The following ERAP1 variants were observed in gnomAD, a reference collection of about 807,000 sequenced individuals.
ERAP1 encodes adipocyte-derived leucine aminopeptidase.
ERAP1 carries 86 observed loss-of-function variants against 103.7 expected under a neutral mutation model. The observed-to-expected ratio is 0.83, with a 90% confidence interval of 0.70 to 0.99. ERAP1 has a LOEUF of 0.99. Among genes scored for constraint, ERAP1 ranks in the 50% least tolerant of loss-of-function variants. The probability of loss-of-function intolerance (pLI) is 0.00; values close to 1 mark genes in which losing one functional copy is unlikely to be tolerated. For missense variants in ERAP1, 1,009 were observed against 1,128.4 expected, an observed-to-expected ratio of 0.89 and a Z score of 1.52; for synonymous variants, 398 against 402.4, an observed-to-expected ratio of 0.99 and a Z score of 0.13.
At chr5:96,892,258 G>A in the ERAP1 span, 4 of 1,603,698 alleles carry the variant, frequency 2.5e-6, no homozygotes, top group East Asian at 8.9e-5. Flanking sequence ...TTTCTGGTGT[G>A]GGAGCCATAA....
At chr5:96,911,299 C>A in the ERAP1 span, among the ~76,000 whole-genome samples, 212 of 152,228 alleles carry the variant, frequency 1.4e-3, 3 homozygotes, top group Middle Eastern at 0.014. Context: ...ATTTCTGGCT[C>A]CCTCCTCAAT....
intron 18 of ERAP1, among the ~76,000 whole-genome samples, chr5:96,779,123 A>C (rs779416861): frequency 1.3e-5 from 2 of 152,196 alleles, no homozygotes; most frequent in Non-Finnish European, 1.5e-5. Flanking sequence ...TCATCTTCAG[A>C]GCATGTAACT....
the ERAP1 span, among the ~76,000 whole-genome samples, chr5:96,910,653 T>G: frequency 6.6e-6 from 1 of 152,224 alleles, no homozygotes; most frequent in South Asian, 2.1e-4. Context: ...TAGATATAAG[T>G]GTTCAACATG....
At chr5:96,809,449 T>C (rs550265757), upstream of ERAP1, among the ~76,000 whole-genome samples, 11 of 152,316 alleles carry the variant, frequency 7.2e-5, no homozygotes, top group South Asian at 2.3e-3. Flanking sequence ...ACTTCTTTAT[T>C]GGCCTTCTTC....
downstream of ERAP1, chr5:96,770,657 G>T: frequency 7.6e-6 from 9 of 1,187,684 alleles, no homozygotes; most frequent in Admixed American, 1.4e-4. Flanking sequence ...ACAGAGTAGG[G>T]TTTATCATTT....
At chr5:96,884,308 G>A in the ERAP1 span, among the ~76,000 whole-genome samples, 3 of 152,168 alleles carry the variant, frequency 2.0e-5, no homozygotes, top group African/African-American at 7.2e-5. Flanking sequence ...CTAAAACTCA[G>A]ATTCTGATTC....
At chr5:96,839,571 C>T in the ERAP1 span, among the ~76,000 whole-genome samples, 12 of 152,226 alleles carry the variant, frequency 7.9e-5, no homozygotes, top group African/African-American at 2.9e-4. Flanking sequence ...ATTCTTAAAA[C>T]CCTTTCATTG....
At chr5:96,912,117 G>C in the ERAP1 span, among the ~76,000 whole-genome samples, 1 of 149,950 alleles carries the variant, frequency 6.7e-6, no homozygotes, top group Non-Finnish European at 1.5e-5. Context: ...GTGAACCCCG[G>C]GGGGCGGAGC....
the ERAP1 span, among the ~76,000 whole-genome samples, chr5:96,897,974 A>C: frequency 3.3e-5 from 5 of 152,208 alleles, no homozygotes; most frequent in Admixed American, 2.0e-4. Flanking sequence ...AGGTGGGTAG[A>C]TCACTTCAGG....
chr5:96,807,460 G>T (rs1371721188), intron 1 of ERAP1, among the ~76,000 whole-genome samples: 1 of 152,188 alleles, frequency 6.6e-6, no homozygotes, highest in African/African-American at 2.4e-5. Flanking sequence ...TGGCCTGCAG[G>T]ACTGGCAGGC....
At chr5:96,839,175 A>G in the ERAP1 span, among the ~76,000 whole-genome samples, 1 of 152,268 alleles carries the variant, frequency 6.6e-6, no homozygotes, top group Admixed American at 6.5e-5. Flanking sequence ...TCTGGAGGAC[A>G]TGTCATCCTT....
At chr5:96,761,390 G>A (rs1354409543) in exon 20 of ERAP1, 2 of 151,878 alleles carry the variant, frequency 1.3e-5, no homozygotes, top group Admixed American at 6.6e-5. Flanking sequence ...ATTCTAAAAC[G>A]GCTTTACAGG....
the ERAP1 span, chr5:96,879,651 C>T: frequency 1.9e-5 from 30 of 1,577,416 alleles, no homozygotes; most frequent in Non-Finnish European, 2.5e-5. Flanking sequence ...CGAGATTAGC[C>T]TGGATATTAA....
intron 14 of ERAP1, 25 bp from the exon 15 acceptor site, chr5:96,783,260 G>A: frequency 6.3e-7 from 1 of 1,597,490 alleles, no homozygotes; most frequent in Non-Finnish European, 8.6e-7. Flanking sequence ...CAGGGAAACA[G>A]GGACCAGTAT....
chr5:96,786,990 T>A lies in ERAP1; in HGVS notation c.1680-441A>T, dbSNP rs548512875. On this transcript the variant is annotated intron_variant, in intron 11 of 18. Transcript: ENST00000443439. The stretch of plus-strand genomic sequence containing the variant: ...GGCATTCTATAAAATAACTGGCCAG[T>A]ACTCTTCAAAAAATGTCAATATCGA... 9.2e-5 allele frequency among the ~76,000 whole-genome samples: 14 copies of A among 152,198 alleles called. No individual in the cohort carries two copies. The East Asian group carries it at 2.5e-3, about 27-fold the overall frequency.
At chr5:96,835,017 C>T in the ERAP1 span, among the ~76,000 whole-genome samples, 1 of 152,198 alleles carries the variant, frequency 6.6e-6, no homozygotes, top group South Asian at 2.1e-4. Flanking sequence ...GGATGAGGGC[C>T]TTTAGTATTT....
chr5:96,771,741 T>C (rs1772428406), downstream of ERAP1: 2 of 1,275,290 alleles, frequency 1.6e-6, no homozygotes, highest in Non-Finnish European at 2.3e-6. Context: ...GACAACTGTA[T>C]CTTCTGCCAA....
chr5:96,876,357 T>C, the ERAP1 span: 1 of 152,344 alleles, frequency 6.6e-6, no homozygotes, highest in Non-Finnish European at 1.5e-5. Context: ...AAAAGTTTCT[T>C]GTCCTTTTTG....
chr5:96,895,666 G>A, the ERAP1 span, among the ~76,000 whole-genome samples: 1 of 152,192 alleles, frequency 6.6e-6, no homozygotes, highest in East Asian at 1.9e-4. Context: ...GCACAGGAAT[G>A]CTCATGGCTA....
Sources: allele counts gnomAD v4.1 joint callset (sites outside exome capture counted in the v4.1 genomes callset), GRCh38; gene constraint gnomAD v4.1.1; transcripts MANE v1.5; gene names NCBI Gene and HGNC (gene_info 2026-07-23, HGNC 2026-07-21).